ZNF845: variants seen among roughly 807,000 people sequenced by gnomAD.
The protein encoded by ZNF845 is zinc finger protein 845.
A neutral mutation model predicts 76.1 loss-of-function variants in ZNF845; 59 were observed. That is an observed-to-expected ratio of 0.78 (90% confidence interval 0.63 to 0.96). The LOEUF is 0.96. Among genes scored for constraint, ZNF845 ranks in the 40% least tolerant of loss-of-function variants. The pLI is 0.00. For synonymous variants in ZNF845, 361 were observed against 386.9 expected, an observed-to-expected ratio of 0.93 and a Z score of 0.78; for missense variants, 1,045 against 1,172.8, an observed-to-expected ratio of 0.89 and a Z score of 1.59.
chr19:53,345,726 A>C (rs1215513512), intron 3 of ZNF845, 94 bp downstream of exon 3: 1 of 1,577,368 alleles, frequency 6.3e-7, no homozygotes, highest in Non-Finnish European at 8.6e-7. Flanking sequence ...TCTGTCACCC[A>C]GGGTGGAGTG....
At position 53,353,903 on chromosome 19, in the gene ZNF845, C is replaced by T. The variant is rs778673729; in HGVS notation, c.*315C>T. Reference sequence around the variant, plus strand: ...AACCGTTTCAAATCATTGGAGAATCCATAATGAGAGATTTTGAAAGTGTAA... The same window carrying T: ...AACCGTTTCAAATCATTGGAGAATCTATAATGAGAGATTTTGAAAGTGTAA... On this transcript the variant is annotated 3_prime_UTR_variant, in exon 4 of 4. Coordinates refer to ENST00000458035, the MANE Select transcript of ZNF845 (RefSeq NM_138374.3). 26 of 1,006,536 alleles carry T rather than the reference C, an allele frequency of 2.6e-5. No individual in the cohort carries two copies. Among genetic ancestry groups the T allele is most frequent in the Non-Finnish European group, 3.7e-5 (26 of 700,150 alleles). The allele number at this position is 1,006,536 out of a possible 1,614,324, so 62.4% of individuals were successfully genotyped here.
In ZNF845 at chr19:53,344,644, T is replaced by TGTTATGTTATGTTATGTTA. The variant is rs1347350507; in HGVS notation, c.16-862_16-861insGTTATGTTATGTTATGTTA. The stretch of plus-strand genomic sequence containing the variant: ...TTTTATTTTATTTTATTTTATTTTA[T>TGTTATGTTATGTTATGTTA]TTTGGGATGGAGTTTCACTCTTGTT... On this transcript the variant is annotated intron_variant, in intron 2 of 3. Coordinates refer to ENST00000458035, the MANE Select transcript of ZNF845 (RefSeq NM_138374.3). 3.7e-4 allele frequency among the ~76,000 whole-genome samples: 56 copies of TGTTATGTTATGTTATGTTA among 150,926 alleles called. 3 individuals carry two copies. The highest frequency in any genetic ancestry group is 7.4e-4 in the Admixed American group (11 of 14,916).
intron 3 of ZNF845, among the ~76,000 whole-genome samples, chr19:53,347,913 A>G (rs761185626): frequency 1.3e-5 from 2 of 151,982 alleles, no homozygotes; most frequent in Non-Finnish European, 2.9e-5. Context: ...TGGCCAAGTG[A>G]CCCCACAGAC....
At position 53,348,777 on chromosome 19, in the gene ZNF845, G is replaced by C. The variant is rs1046040567; in HGVS notation, c.143-2041G>C. The stretch of plus-strand genomic sequence containing the variant: ...AAGGCCAATGCTTATATATGGAATT[G>C]CTGTATTGCCTGGCTGTTTCATAAA... On this transcript the variant is annotated intron_variant, in intron 3 of 3. Transcript: ENST00000458035. Among the ~76,000 whole-genome samples, 3 of 151,288 alleles carry C rather than the reference G, an allele frequency of 2.0e-5. No individual in the cohort carries two copies. In the East Asian group the frequency reaches 5.8e-4, roughly 29 times the overall value.
Position 53,353,711 on chromosome 19 carries a change from C to T in ZNF845, c.*123C>T. 1 of 1,521,466 alleles carries T rather than the reference C, an allele frequency of 6.6e-7. No individual in the cohort carries two copies. Among genetic ancestry groups the T allele is most frequent in the Non-Finnish European group, 8.8e-7 (1 of 1,137,168 alleles). The allele number at this position is 1,521,466 out of a possible 1,614,324, so 94.2% of individuals were successfully genotyped here. A position where few individuals can be genotyped will look rare whatever the true frequency, so the allele number is the denominator to read the frequency against. On this transcript the variant is annotated 3_prime_UTR_variant, in exon 4 of 4. Transcript: ENST00000458035. Reference sequence around the variant, plus strand: ...TGACAAGAATCTTGGGCGTGATTCACACCTGGCCCAACAAACTAGAAGTCA... The same window carrying T: ...TGACAAGAATCTTGGGCGTGATTCATACCTGGCCCAACAAACTAGAAGTCA...
At chr19:53,338,712 AC>A in intron 1 of ZNF845, among the ~76,000 whole-genome samples, 1 of 142,190 alleles carries the variant, frequency 7.0e-6, no homozygotes, top group Non-Finnish European at 1.5e-5. Context: ...ACACACACAC[AC>A]ACACACACGC....
chr19:53,341,414 C>T, intron 2 of ZNF845, 92 bp downstream of exon 2: 1 of 1,570,958 alleles, frequency 6.4e-7, no homozygotes, highest in Non-Finnish European at 8.7e-7. Flanking sequence ...TCTGAAGCAT[C>T]CTGCCTGACA....
intron 1 of ZNF845, among the ~76,000 whole-genome samples, chr19:53,340,297 C>G (rs140664389): frequency 1.3e-5 from 2 of 152,322 alleles, no homozygotes; most frequent in Admixed American, 6.5e-5. Context: ...AGTGATCTGT[C>G]CGCTTTGGCC....
chr19:53,338,336 G>A (rs1382276014), intron 1 of ZNF845, among the ~76,000 whole-genome samples: 1 of 152,140 alleles, frequency 6.6e-6, no homozygotes, highest in Non-Finnish European at 1.5e-5. Flanking sequence ...TTTGTCATCT[G>A]TGTCACTGCC....
In ZNF845 at chr19:53,351,584, G is replaced by A. The variant is rs985918921; in HGVS notation, c.909G>A (p.Glu303=). 6.2e-7 allele frequency: 1 copy of A among 1,613,672 alleles called. No individual in the cohort carries two copies. Among genetic ancestry groups the A allele is most frequent in the Admixed American group, 1.7e-5 (1 of 59,986 alleles). The change falls in exon 4 of 4, where the codon GAG becomes GAA. Residue 303 remains glutamate, a synonymous_variant. Coordinates refer to ENST00000458035, the MANE Select transcript of ZNF845 (RefSeq NM_138374.3). The part of the protein sequence containing the change: ...HTGEKHYKCS[E]CGKTFSRNSA... The stretch of plus-strand genomic sequence containing the variant: ...GAGAGAAACATTACAAGTGCAGTGA[G>A]TGTGGCAAGACCTTCAGTCGAAATT...
chr19:53,350,554 T>C (rs1371750433), intron 3 of ZNF845, among the ~76,000 whole-genome samples: 1 of 152,196 alleles, frequency 6.6e-6, no homozygotes, highest in African/African-American at 2.4e-5. Flanking sequence ...AGTGGAAAAA[T>C]ACTCCTTACT....
At position 53,352,141 on chromosome 19, in the gene ZNF845, A is replaced by C; in HGVS notation, c.1466A>C (p.His489Pro). ...TSSLVYHRRLHTGEKPYKCEE... is the reference protein window; with the variant it reads ...TSSLVYHRRLPTGEKPYKCEE... ...TCCCTTGTATACCATCGTAGACTTC[A>C]TACTGGAGAGAAACCTTACAAATGT... is the stretch of plus-strand genomic sequence containing the variant. The change falls in exon 4 of 4, where the codon CAT becomes CCT. Residue 489 changes from histidine to proline, a missense_variant. His to Pro is a moderately conservative substitution (Grantham distance 77). Transcript: ENST00000458035. 2 of 1,614,118 alleles carry C rather than the reference A, an allele frequency of 1.2e-6. No individual in the cohort carries two copies. Among genetic ancestry groups the C allele is most frequent in the Admixed American group, 1.7e-5 (1 of 60,030 alleles).
Position 53,353,378 on chromosome 19 carries a change from C to T in ZNF845, c.2703C>T (p.His901=). Residue 901 remains histidine, a synonymous_variant, in exon 4 of 4, where the codon CAC becomes CAT. Coordinates refer to ENST00000458035, the MANE Select transcript of ZNF845 (RefSeq NM_138374.3). ...KCGKVFNQQA[H]LACHHRIHTG... is the part of the protein sequence containing the mutation. ...GTAAGGTTTTTAATCAACAAGCACACCTTGCATGTCATCATAGAATTCATA... is the reference window on the plus strand; with the variant it reads ...GTAAGGTTTTTAATCAACAAGCACATCTTGCATGTCATCATAGAATTCATA... The T allele has an allele frequency of 6.2e-7, 1 of 1,612,854 alleles. No individual in the cohort carries two copies. The highest frequency in any genetic ancestry group is 1.7e-5 in the Admixed American group (1 of 59,868).
rs532598754 is a variant in ZNF845 at position 53,352,124 on chromosome 19, A to G, written c.1449A>G (p.Val483=). 2.5e-6 allele frequency: 4 copies of G among 1,613,918 alleles called. No homozygotes were observed. The Admixed American group carries it at 5.0e-5, about 20-fold the overall frequency. Residue 483 remains valine, a synonymous_variant, in exon 4 of 4, where the codon GTA becomes GTG. Coordinates refer to ENST00000458035, the MANE Select transcript of ZNF845 (RefSeq NM_138374.3). ...CCTTCAGTCAGACATCATCCCTTGTATACCATCGTAGACTTCATACTGGAG... is the reference window on the plus strand; with the variant it reads ...CCTTCAGTCAGACATCATCCCTTGTGTACCATCGTAGACTTCATACTGGAG... ...GKTFSQTSSL[V]YHRRLHTGEK...
At position 53,352,248 on chromosome 19, in the gene ZNF845, T is replaced by C; in HGVS notation, c.1573T>C (p.Cys525Arg). 1.9e-6 allele frequency: 3 copies of C among 1,613,830 alleles called. No homozygotes were observed. Among genetic ancestry groups the C allele is most frequent in the African/African-American group, 1.3e-5 (1 of 74,956 alleles). The change falls in exon 4 of 4, where the codon TGT becomes CGT. Residue 525 changes from cysteine to arginine, a missense_variant. Coordinates refer to ENST00000458035, the MANE Select transcript of ZNF845 (RefSeq NM_138374.3). ...IIHTGEKLYK[C>R]NECGKTFSRK... ...TCATACTGGAGAGAAACTTTACAAG[T>C]GTAATGAATGTGGCAAGACCTTTAG...
chr19:53,351,414 G>A lies in ZNF845; in HGVS notation c.739G>A (p.Val247Met). The change falls in exon 4 of 4, where the codon GTG (valine) becomes ATG (methionine). Residue 247 changes from valine to methionine, a missense_variant. Coordinates refer to ENST00000458035, the MANE Select transcript of ZNF845 (RefSeq NM_138374.3). ...HLGAKQYKCD[V>M]CGKVFNQKRY... ...AGGAGCGAAACAATATAAATGTGAT[G>A]TGTGTGGCAAGGTCTTTAATCAAAA... is the stretch of plus-strand genomic sequence containing the variant. The A allele has an allele frequency of 6.2e-7, 1 of 1,614,220 alleles. No individual in the cohort carries two copies. Among genetic ancestry groups the A allele is most frequent in the Non-Finnish European group, 8.5e-7 (1 of 1,180,042 alleles).
chr19:53,351,647 G>T lies in ZNF845; in HGVS notation c.972G>T (p.Glu324Asp), dbSNP rs1308232802. The part of the protein sequence containing the change: ...LVIHKAIHTG[E>D]KSYKCNECGK... ...TTCATAAGGCAATTCATACTGGAGA[G>T]AAATCTTACAAGTGTAATGAATGTG... Residue 324 changes from glutamate to aspartate, a missense_variant, in exon 4 of 4, where the codon GAG (glutamate) becomes GAT (aspartate). Coordinates refer to ENST00000458035, the MANE Select transcript of ZNF845 (RefSeq NM_138374.3). The T allele has an allele frequency of 6.2e-7, 1 of 1,613,988 alleles. No homozygotes were observed. The highest frequency in any genetic ancestry group is 1.3e-5 in the African/African-American group (1 of 74,934).
In ZNF845 at chr19:53,353,256, T is replaced by A; in HGVS notation, c.2581T>A (p.Cys861Ser). 1.2e-6 allele frequency: 2 copies of A among 1,613,768 alleles called. No individual in the cohort carries two copies. The highest frequency in any genetic ancestry group is 1.7e-6 in the Non-Finnish European group (2 of 1,179,838). ...TCATACTGGAGAAAAACCTTACAAG[T>A]GTAGTGAATGTGGCAAGGTTTTTAA... ...AIHTGEKPYK[C>S]SECGKVFNRK... Residue 861 changes from cysteine (C) to serine (S), a missense_variant, in exon 4 of 4, where the codon TGT (cysteine) becomes AGT (serine). Transcript: ENST00000458035.
Position 53,352,837 on chromosome 19 carries a change from G to A in ZNF845, c.2162G>A (p.Cys721Tyr). 1 of 1,614,148 alleles carries A rather than the reference G, an allele frequency of 6.2e-7. No individual in the cohort carries two copies. Among genetic ancestry groups the A allele is most frequent in the Non-Finnish European group, 8.5e-7 (1 of 1,180,012 alleles). ...CATACTGGAGAGAAACCTTACAAGT[G>A]TAATGAGTGTGGCAAGGCCTTCAGT... is the stretch of plus-strand genomic sequence containing the variant. ...AIHTGEKPYKCNECGKAFSQK... is the reference protein window; with the variant it reads ...AIHTGEKPYKYNECGKAFSQK... Residue 721 changes from cysteine to tyrosine, a missense_variant, in exon 4 of 4, where the codon TGT (cysteine) becomes TAT (tyrosine). Cys to Tyr is a radical substitution (Grantham distance 194). Transcript: ENST00000458035.
Sources: allele counts gnomAD v4.1 joint callset (sites outside exome capture counted in the v4.1 genomes callset), GRCh38; gene constraint gnomAD v4.1.1; transcripts MANE v1.5; gene names NCBI Gene and HGNC (gene_info 2026-07-23, HGNC 2026-07-21).